The following AGGF1 variants were observed in gnomAD, a reference collection of about 807,000 sequenced individuals.
The protein encoded by AGGF1 is angiogenic factor with G patch and FHA domains 1.
AGGF1 carries 56 observed loss-of-function variants against 86.5 expected under a neutral mutation model. That is an observed-to-expected ratio of 0.65 (90% CI 0.52 to 0.81). The LOEUF (loss-of-function observed/expected upper bound fraction) is 0.81. Ranked by LOEUF, AGGF1 falls within the 30% of genes least tolerant of loss-of-function variation. The pLI, the probability that AGGF1 is intolerant of heterozygous loss-of-function variation, is 0.00. For missense variants in AGGF1, 816 were observed against 850.9 expected (o/e 0.96, Z 0.51); for synonymous variants, 313 against 297.1 (o/e 1.05, Z -0.55).
intron 5 of AGGF1, among the ~76,000 whole-genome samples, chr5:77,043,597 C>CTCT (rs754545975): frequency 2.0e-5 from 1 of 51,016 alleles, no homozygotes; most frequent in Non-Finnish European, 4.0e-5. Flanking sequence ...ACCCCCCCCC[C>CTCT]CCCGGATGGC....
rs1297769828 is a variant in AGGF1, at chr5:77,063,456, T to A, written c.*204T>A. The stretch of plus-strand genomic sequence containing the variant: ...TGACTGAACCAATTTATGCAGTAAA[T>A]AGACTAAAGTTCACAGGGCACGGAT... On this transcript the variant is annotated 3_prime_UTR_variant, in exon 14 of 14. Transcript: ENST00000312916. 3.4e-6 allele frequency: 2 copies of A among 583,154 alleles called. No individual in the cohort carries two copies. The highest frequency in any genetic ancestry group is 3.2e-5 in the Admixed American group (1 of 31,460). The allele number at this position is 583,154 out of a possible 1,614,324, so 36.1% of individuals were successfully genotyped here.
At chr5:77,054,383 A>C (rs766124648) in intron 10 of AGGF1, among the ~76,000 whole-genome samples, 31 of 152,222 alleles carry the variant, frequency 2.0e-4, no homozygotes, top group Non-Finnish European at 2.8e-4. Flanking sequence ...AATAGATTAT[A>C]ATTGTAGTTG....
Position 77,035,653 on chromosome 5 carries a change from T to A in AGGF1, c.426T>A (p.His142Gln). 1 of 1,613,616 alleles carries A rather than the reference T, an allele frequency of 6.2e-7. No homozygotes were observed. The highest frequency in any genetic ancestry group is 8.5e-7 in the Non-Finnish European group (1 of 1,179,696). ...IETSILNSKD[H>Q]LQVENDAYPG... ...CTTCTATTTTGAATTCTAAAGACCA[T>A]TTACAAGTAGAAAATGATGCTTACC... Residue 142 changes from histidine (H) to glutamine (Q), a missense_variant, in exon 3 of 14, where the codon CAT becomes CAA. Physicochemically the swap from His to Gln is conservative, Grantham distance 24. This residue lies in a region of AGGF1 where 240 missense variants were observed against 234.4 expected (regional missense o/e 1.02). Transcript: ENST00000312916.
intron 6 of AGGF1, among the ~76,000 whole-genome samples, chr5:77,047,951 T>C (rs1747301128): frequency 6.6e-6 from 1 of 152,152 alleles, no homozygotes; most frequent in Non-Finnish European, 1.5e-5. Flanking sequence ...ATGCTAAATA[T>C]GCAGCAACCT....
At chr5:77,039,743 A>G in intron 5 of AGGF1, 24 bp downstream of exon 5, 1 of 1,594,830 alleles carries the variant, frequency 6.3e-7, no homozygotes, top group Non-Finnish European at 8.6e-7. Flanking sequence ...AATTTTAAAA[A>G]TTGACATAAT....
intron 6 of AGGF1, 32 bp downstream of exon 6, chr5:77,046,709 C>T: frequency 2.5e-6 from 4 of 1,586,656 alleles, no homozygotes; most frequent in Non-Finnish European, 3.5e-6. Flanking sequence ...AAGTAAATAG[C>T]CCAGTCTGGT....
intron 10 of AGGF1, among the ~76,000 whole-genome samples, chr5:77,054,602 G>T (rs959787133): frequency 6.6e-5 from 10 of 152,276 alleles, no homozygotes; most frequent in African/African-American, 2.4e-4. Flanking sequence ...CACAAAAAAT[G>T]ATAAGTACAT....
intron 12 of AGGF1, among the ~76,000 whole-genome samples, chr5:77,059,989 G>A (rs1417529798): frequency 6.6e-6 from 1 of 152,132 alleles, no homozygotes; most frequent in Non-Finnish European, 1.5e-5. Flanking sequence ...TTACAGATGC[G>A]TGCCATCACG....
Position 77,046,337 on chromosome 5 carries a change from C to G in AGGF1, c.871-10C>G, listed in dbSNP as rs370509960. On this transcript the variant is annotated splice_polypyrimidine_tract_variant and intron_variant, in intron 5 of 13. Transcript: ENST00000312916. ...CCCCTGTTCCCTCGTATCTACCCAC[C>G]CTTCTCCAGGATTTGAACTCAGAGG... The G allele has an allele frequency of 1.2e-6, 2 of 1,608,214 alleles. No individual in the cohort carries two copies. Among genetic ancestry groups the G allele is most frequent in the Middle Eastern group, 1.7e-4 (1 of 5,988 alleles).
chr5:77,046,537 C>T lies in AGGF1; in HGVS notation c.1061C>T (p.Thr354Ile). The T allele has an allele frequency of 6.2e-7, 1 of 1,613,896 alleles. No homozygotes were observed. Among genetic ancestry groups the T allele is most frequent in the Non-Finnish European group, 8.5e-7 (1 of 1,179,890 alleles). The change falls in exon 6 of 14, where the codon ACA becomes ATA. Residue 354 changes from threonine (T) to isoleucine (I), a missense_variant. Transcript: ENST00000312916. ...CTTCATGAAAACATCTCTAATTCAA[C>T]ATCATTTAAAGATGAGAAAATCATG... is the stretch of plus-strand genomic sequence containing the variant. ...SPLHENISNS[T>I]SFKDEKIMET... is the part of the protein sequence containing the mutation.
chr5:77,039,222 A>G (rs548924368), intron 4 of AGGF1, among the ~76,000 whole-genome samples: 3 of 152,086 alleles, frequency 2.0e-5, no homozygotes, highest in Non-Finnish European at 4.4e-5. Flanking sequence ...TTTTTAATGT[A>G]TTAAGTGGAA....
At chr5:77,036,171 C>T (rs1746964154) in intron 3 of AGGF1, 2 of 267,790 alleles carry the variant, frequency 7.5e-6, no homozygotes, top group Admixed American at 5.1e-5. Context: ...TGATATATCT[C>T]ATTTAATCTA....
chr5:77,034,345 C>T lies in AGGF1; in HGVS notation c.211-73C>T, dbSNP rs1402341643. On this transcript the variant is annotated intron_variant, in intron 1 of 13. Transcript: ENST00000312916. Reference sequence around the variant, plus strand: ...ATTTCTCTAAAACAATTATTTGTAACGGTAGGAGACTGGTATATATATTAT... The same window carrying T: ...ATTTCTCTAAAACAATTATTTGTAATGGTAGGAGACTGGTATATATATTAT... 2.4e-5 allele frequency: 22 copies of T among 909,004 alleles called. 1 individual carries two copies. Among genetic ancestry groups the T allele is most frequent in the South Asian group, 1.8e-4 (13 of 72,882 alleles). The allele number at this position is 909,004 out of a possible 1,614,324, so 56.3% of individuals were successfully genotyped here. A position where few individuals can be genotyped will look rare whatever the true frequency, so the allele number is the denominator to read the frequency against.
intron 6 of AGGF1, among the ~76,000 whole-genome samples, chr5:77,047,240 G>A (rs947107553): frequency 2.0e-5 from 3 of 152,122 alleles, no homozygotes; most frequent in African/African-American, 7.2e-5. Flanking sequence ...TACTGAACAT[G>A]TACACACTTT....
rs748403447 is a variant in AGGF1 at position 77,030,720 on chromosome 5, C to G, written c.-47C>G. On this transcript the variant is annotated 5_prime_UTR_variant, in exon 1 of 14. Transcript: ENST00000312916. ...TGGGTCCGCCGGCGTCCGTTTCGGC[C>G]TGAACGCAGCCCCTCCGCGGCGACG... 5.2e-6 allele frequency: 8 copies of G among 1,541,158 alleles called. No individual in the cohort carries two copies. The highest frequency in any genetic ancestry group is 2.7e-5 in the African/African-American group (2 of 73,680).
intron 12 of AGGF1, 80 bp from the exon 13 acceptor site, chr5:77,061,623 A>T: frequency 7.2e-7 from 1 of 1,397,414 alleles, no homozygotes; most frequent in Non-Finnish European, 1.0e-6. Context: ...TGTACCAATT[A>T]CTTTTAATTC....
intron 5 of AGGF1, 91 bp downstream of exon 5, chr5:77,039,810 ACT>A (rs1747036895): frequency 4.4e-6 from 5 of 1,140,776 alleles, no homozygotes; most frequent in South Asian, 2.9e-5. Flanking sequence ...TCATTCAATA[ACT>A]CTGCATTTCA....
intron 1 of AGGF1, among the ~76,000 whole-genome samples, chr5:77,032,270 AAAAAC>A (rs1425187486): frequency 6.7e-6 from 1 of 149,282 alleles, no homozygotes; most frequent in African/African-American, 2.5e-5. Flanking sequence ...AAAAAAAAAA[AAAAAC>A]AGGGAGAGGT....
In AGGF1 at chr5:77,035,728, T is replaced by C. The variant is rs1026136615; in HGVS notation, c.501T>C (p.Phe167=). The C allele has an allele frequency of 6.2e-7, 1 of 1,613,494 alleles. No homozygotes were observed. Among genetic ancestry groups the C allele is most frequent in the Non-Finnish European group, 8.5e-7 (1 of 1,179,588 alleles). ...ENVKYRQVDH[F]ASNSQEPASA... ...TTAAATATAGACAAGTGGACCATTT[T>C]GCCTCAAATTCACAGGTAATAAAAT... The change falls in exon 3 of 14, where the codon TTT becomes TTC. Residue 167 remains phenylalanine, a synonymous_variant. Coordinates refer to ENST00000312916, the MANE Select transcript of AGGF1 (RefSeq NM_018046.5).
Sources: allele counts gnomAD v4.1 joint callset (sites outside exome capture counted in the v4.1 genomes callset), GRCh38; gene constraint gnomAD v4.1.1; regional missense constraint gnomAD v4.1.1; transcripts MANE v1.5; gene names NCBI Gene and HGNC (gene_info 2026-07-23, HGNC 2026-07-21).